Variants in DTD1 observed in about 807,000 individuals in gnomAD.
DTD1 encodes D-aminoacyl-tRNA deacylase 1, also known as D-tyrosyl-tRNA deacylase 1 homolog.
Under a neutral mutation model 25.6 loss-of-function variants are expected in DTD1, and 13 were observed. The ratio of observed to expected loss-of-function variants is 0.51; its 90% CI spans 0.33 to 0.81. The LOEUF (loss-of-function observed/expected upper bound fraction) is 0.81. DTD1 is among the 30% of genes least tolerant of loss of function. The pLI is 0.02. For missense variants in DTD1, 193 were observed against 266.4 expected, an observed-to-expected ratio of 0.72 and a Z score of 1.92; for synonymous variants, 110 against 103.6, an observed-to-expected ratio of 1.06 and a Z score of -0.37.
chr20:18,714,710 C>T (rs2061173332), intron 4 of DTD1, among the ~76,000 whole-genome samples: 1 of 152,114 alleles, frequency 6.6e-6, no homozygotes, highest in African/African-American at 2.4e-5. Flanking sequence ...CTCTTGGTGT[C>T]TTTCTCAGAT....
intron 3 of DTD1, among the ~76,000 whole-genome samples, chr20:18,611,468 G>A (rs551696990): frequency 3.9e-5 from 6 of 152,138 alleles, no homozygotes; most frequent in Admixed American, 6.5e-5. Context: ...ACTTTAAAAC[G>A]TAAAGTTTAA....
At chr20:18,715,504 C>A (rs1359873281) in intron 4 of DTD1, among the ~76,000 whole-genome samples, 1 of 152,072 alleles carries the variant, frequency 6.6e-6, no homozygotes, top group Admixed American at 6.6e-5. Context: ...TCAGACGAGA[C>A]CGGGTGCATT....
chr20:18,668,620 C>T (rs1386757947), intron 4 of DTD1, among the ~76,000 whole-genome samples: 1 of 152,068 alleles, frequency 6.6e-6, no homozygotes, highest in Non-Finnish European at 1.5e-5. Context: ...TGCCAGTGGT[C>T]AGGGGATAGA....
rs777964321 is a variant in DTD1 at position 18,596,212 on chromosome 20, G to A, written c.341G>A (p.Arg114His). The A allele has an allele frequency of 1.4e-5, 23 of 1,613,994 alleles. No individual in the cohort carries two copies. Among genetic ancestry groups the A allele is most frequent in the South Asian group, 6.6e-5 (6 of 91,088 alleles). ...GFYNSFLEQL[R>H]KTYRPELIKD... Reference sequence around the variant, plus strand: ...TACAACAGCTTCCTGGAGCAGCTGCGTAAAACATACAGGCCGGAGCTTATC... The same window carrying A: ...TACAACAGCTTCCTGGAGCAGCTGCATAAAACATACAGGCCGGAGCTTATC... The change falls in exon 3 of 6, where the codon CGT becomes CAT. Residue 114 changes from arginine (R) to histidine (H), a missense_variant. Transcript: ENST00000377452.
At chr20:18,761,192 C>T (rs1026652561) in intron 5 of DTD1, among the ~76,000 whole-genome samples, 31 of 152,106 alleles carry the variant, frequency 2.0e-4, no homozygotes, top group African/African-American at 5.8e-4. Flanking sequence ...CCGGGCGAGG[C>T]GATGCCTCGC....
chr20:18,608,893 T>C lies in DTD1; in HGVS notation c.370+12652T>C, dbSNP rs1386638672. ...AAGGGCGTCATTCATTTCTAGTTTC[T>C]TTTCATGTTTCTGGGGATAAATTGC... is the stretch of plus-strand genomic sequence containing the variant. On this transcript the variant is annotated intron_variant, in intron 3 of 5. Coordinates refer to ENST00000377452, the MANE Select transcript of DTD1 (RefSeq NM_080820.6). Among the ~76,000 whole-genome samples, 5 of 152,342 alleles carry C rather than the reference T, an allele frequency of 3.3e-5. No homozygotes were observed. In the East Asian group the frequency reaches 9.6e-4, roughly 29 times the overall value.
At chr20:18,659,090 A>C (rs1413848011) in intron 4 of DTD1, among the ~76,000 whole-genome samples, 1 of 152,260 alleles carries the variant, frequency 6.6e-6, no homozygotes, top group Non-Finnish European at 1.5e-5. Flanking sequence ...AAGCGTAAGC[A>C]GAGATCTCAA....
chr20:18,675,442 T>TGGAGAGGAACAAGATGCTCA (rs2060966587), intron 4 of DTD1: 1 of 152,160 alleles, frequency 6.6e-6, no homozygotes. Flanking sequence ...TTTGTATGGC[T>TGGAGAGGAACAAGATGCTCA]GGAGAGGAAC....
At chr20:18,632,511 T>C in intron 4 of DTD1, 1 of 985,454 alleles carries the variant, frequency 1.0e-6, no homozygotes, top group Non-Finnish European at 1.2e-6. Flanking sequence ...AATAGCTAAT[T>C]TGCTTGCTTT....
intron 4 of DTD1, among the ~76,000 whole-genome samples, chr20:18,673,248 A>G (rs2060957327): frequency 1.3e-5 from 2 of 152,208 alleles, no homozygotes; most frequent in South Asian, 2.1e-4. Context: ...TTTTCCTCAT[A>G]TTTTGTACCC....
chr20:18,591,526 GTTA>G (rs1239352790), intron 1 of DTD1, among the ~76,000 whole-genome samples: 24 of 152,146 alleles, frequency 1.6e-4, no homozygotes, highest in East Asian at 7.7e-4. Context: ...TATATGCAAT[GTTA>G]TTATAGTAGT....
intron 4 of DTD1, among the ~76,000 whole-genome samples, chr20:18,689,828 A>T (rs1302281043): frequency 2.6e-5 from 4 of 151,944 alleles, no homozygotes; most frequent in Admixed American, 6.6e-5. Context: ...TTAATTAAAA[A>T]TTTTTTCATA....
chr20:18,629,296 C>CTTTTTTTTT (rs35174616), intron 4 of DTD1, among the ~76,000 whole-genome samples: 6 of 69,244 alleles, frequency 8.7e-5, no homozygotes, highest in Non-Finnish European at 1.0e-4. Flanking sequence ...TGTGCTCGGC[C>CTTTTTTTTT]TTTTTTTTTT....
At position 18,757,398 on chromosome 20, in the gene DTD1, A is replaced by G. The variant is rs986034776; in HGVS notation, c.*20-5962A>G. Among the ~76,000 whole-genome samples the G allele has an allele frequency of 3.3e-5, 5 of 152,280 alleles. No homozygotes were observed. The South Asian group carries it at 6.2e-4, about 19-fold the overall frequency. On this transcript the variant is annotated intron_variant, in intron 5 of 5. Transcript: ENST00000377452. ...GTTTTTGCCCATTCAGTATGATATT[A>G]GCTGTGGGTTTGTCATAGATAGCTC...
intron 5 of DTD1, among the ~76,000 whole-genome samples, chr20:18,751,678 G>C (rs1297068848): frequency 6.6e-6 from 1 of 152,032 alleles, no homozygotes; most frequent in Admixed American, 6.6e-5. Flanking sequence ...ATTTTTTGTA[G>C]AGATAGGGTT....
intron 4 of DTD1, among the ~76,000 whole-genome samples, chr20:18,737,856 A>G (rs2061262542): frequency 6.6e-6 from 1 of 152,066 alleles, no homozygotes; most frequent in African/African-American, 2.4e-5. Context: ...CAAGGTTAGG[A>G]CCAGTTTCTC....
At chr20:18,594,299 C>G (rs1371176625) in intron 2 of DTD1, among the ~76,000 whole-genome samples, 3 of 152,122 alleles carry the variant, frequency 2.0e-5, no homozygotes. Flanking sequence ...GCTCCCTGAC[C>G]TTGAAGCCAG....
At chr20:18,762,845 A>G (rs926270252) in intron 5 of DTD1, among the ~76,000 whole-genome samples, 4 of 151,276 alleles carry the variant, frequency 2.6e-5, no homozygotes, top group African/African-American at 9.7e-5. Context: ...TCTGCTCCTT[A>G]TTATTCTCTT....
At chr20:18,757,571 T>C (rs187859374) in intron 5 of DTD1, among the ~76,000 whole-genome samples, 98 of 152,330 alleles carry the variant, frequency 6.4e-4, no homozygotes, top group African/African-American at 2.2e-3. Flanking sequence ...TGCTGGATTA[T>C]GTTTACTGAT....
Sources: gnomAD v4.1 joint callset for allele counts (sites outside exome capture counted in the v4.1 genomes callset) on GRCh38, gnomAD v4.1.1 for gene constraint, MANE v1.5 for transcripts, NCBI Gene and HGNC (gene_info 2026-07-23, HGNC 2026-07-21) for gene names.